Variants in SLC49A4 observed in about 807,000 individuals in gnomAD.
SLC49A4 encodes solute carrier family 49 member 4.
A neutral mutation model predicts 50.6 loss-of-function variants in SLC49A4; 36 were observed. The observed-to-expected ratio is 0.71, with a 90% CI of 0.55 to 0.94. The LOEUF is 0.94. Among genes scored for constraint, SLC49A4 ranks in the 40% least tolerant of loss-of-function variants. SLC49A4 has a pLI of 0.00. For synonymous variants in SLC49A4, 248 were observed against 241.2 expected (o/e 1.03, Z -0.26); for missense variants, 503 against 605.7 (o/e 0.83, Z 1.78).
rs868028056 is a variant in SLC49A4 at position 122,825,870 on chromosome 3, G to A, written c.438-930G>A. ...GTGAATGTGTATATTGGGGGTGAGG[G>A]AGTAATGGGAGAAAAGAGTTGGTCA... On this transcript the variant is annotated intron_variant, in intron 2 of 8. Transcript: ENST00000261038. Among the ~76,000 whole-genome samples, 67 of 152,074 alleles carry A rather than the reference G, an allele frequency of 4.4e-4. 1 individual carries two copies. Among genetic ancestry groups the A allele is most frequent in the African/African-American group, 1.5e-3 (62 of 41,394 alleles).
chr3:122,877,494 G>A (rs974556287), intron 8 of SLC49A4, among the ~76,000 whole-genome samples: 1 of 152,158 alleles, frequency 6.6e-6, no homozygotes, highest in South Asian at 2.1e-4. Flanking sequence ...GATCTGTTTT[G>A]ACAATATTTG....
intron 4 of SLC49A4, among the ~76,000 whole-genome samples, chr3:122,840,266 CT>C (rs1936753431): frequency 6.6e-6 from 1 of 152,138 alleles, no homozygotes; most frequent in Non-Finnish European, 1.5e-5. Context: ...GGGTAACAAA[CT>C]CCATATTGGG....
chr3:122,819,428 G>C (rs376018096), intron 2 of SLC49A4, among the ~76,000 whole-genome samples: 13 of 151,970 alleles, frequency 8.6e-5, no homozygotes, highest in African/African-American at 3.1e-4. Flanking sequence ...TTCTATAGCT[G>C]GTACTTGGTA....
intron 3 of SLC49A4, among the ~76,000 whole-genome samples, chr3:122,832,082 A>G (rs1936615882): frequency 6.6e-6 from 1 of 152,204 alleles, no homozygotes; most frequent in Non-Finnish European, 1.5e-5. Flanking sequence ...ATTGTCTTAT[A>G]GGAATGTTGT....
At chr3:122,835,406 C>T (rs1275212193) in intron 4 of SLC49A4, among the ~76,000 whole-genome samples, 1 of 152,120 alleles carries the variant, frequency 6.6e-6, no homozygotes, top group East Asian at 1.9e-4. Context: ...TCCAACAGCA[C>T]ATCAGAAAGA....
intron 2 of SLC49A4, among the ~76,000 whole-genome samples, chr3:122,820,064 A>G (rs946176385): frequency 2.6e-5 from 4 of 152,226 alleles, no homozygotes; most frequent in Admixed American, 6.5e-5. Flanking sequence ...TGTTAGCATC[A>G]ATGTTAGTCA....
chr3:122,826,816 C>T lies in SLC49A4; in HGVS notation c.454C>T (p.Gln152Ter), dbSNP rs1365371026. ...ILKRRLIHGG[Q>*]MLNGLAGPTV... ...AAATTCCAGATTAATTCATGGAGGACAGATGTTAAATGGATTGGCAGGTCC... is the reference window on the plus strand; with the variant it reads ...AAATTCCAGATTAATTCATGGAGGATAGATGTTAAATGGATTGGCAGGTCC... The change falls in exon 3 of 9, where the codon CAG becomes TAG. Residue 152 changes from glutamine (Q) to a stop codon, truncating the protein, a stop_gained. Coordinates refer to ENST00000261038, the MANE Select transcript of SLC49A4 (RefSeq NM_032839.3). LOFTEE classifies it high-confidence loss of function. 1 of 1,613,844 alleles carries T rather than the reference C, an allele frequency of 6.2e-7. No homozygotes were observed. The highest frequency in any genetic ancestry group is 8.5e-7 in the Non-Finnish European group (1 of 1,179,760).
intron 1 of SLC49A4, among the ~76,000 whole-genome samples, chr3:122,799,444 C>T (rs550313284): frequency 6.6e-6 from 1 of 152,208 alleles, no homozygotes; most frequent in African/African-American, 2.4e-5. Context: ...TCTGGCATGT[C>T]CAAGAAAGAG....
intron 4 of SLC49A4, among the ~76,000 whole-genome samples, chr3:122,839,490 C>G (rs536059555): frequency 6.6e-6 from 1 of 152,150 alleles, no homozygotes; most frequent in Admixed American, 6.5e-5. Flanking sequence ...AACTCTGTAT[C>G]TGACAGGAGA....
At chr3:122,864,991 G>T (rs1259069783) in intron 7 of SLC49A4, among the ~76,000 whole-genome samples, 2 of 152,192 alleles carry the variant, frequency 1.3e-5, no homozygotes, top group African/African-American at 4.8e-5. Flanking sequence ...GTGGATGACA[G>T]AGTGAGATCC....
At chr3:122,804,296 C>G (rs1215017129) in intron 1 of SLC49A4, among the ~76,000 whole-genome samples, 1 of 152,214 alleles carries the variant, frequency 6.6e-6, no homozygotes, top group Admixed American at 6.5e-5. Context: ...ACTCAGTCAT[C>G]ACCAAGGGGA....
chr3:122,834,163 A>G lies in SLC49A4; in HGVS notation c.833+717A>G, dbSNP rs372258466. The stretch of plus-strand genomic sequence containing the variant: ...ATGAGTTTTTATTGATTCTTCAACA[A>G]CTCTCTCTAAATTGGTTCTTTCTTT... On this transcript the variant is annotated intron_variant, in intron 4 of 8. Coordinates refer to ENST00000261038, the MANE Select transcript of SLC49A4 (RefSeq NM_032839.3). 9.2e-5 allele frequency among the ~76,000 whole-genome samples: 14 copies of G among 151,944 alleles called. 2 individuals are homozygous for G. The highest frequency in any genetic ancestry group is 1.9e-4 in the East Asian group (1 of 5,172).
chr3:122,872,345 C>A lies in SLC49A4; in HGVS notation c.1139-70C>A, dbSNP rs117333137. On this transcript the variant is annotated intron_variant, in intron 7 of 8. Transcript: ENST00000261038. The stretch of plus-strand genomic sequence containing the variant: ...GAGTCAATACTTAGGAAAGAGAACA[C>A]CCCGAAGATCTATCTGATATGACTC... 801 of 1,310,538 alleles carry A rather than the reference C, an allele frequency of 6.1e-4. 13 individuals carry two copies. In the East Asian group the frequency reaches 0.015, roughly 24 times the overall value. The allele number at this position is 1,310,538 out of a possible 1,614,324, so 81.2% of individuals were successfully genotyped here. A position where few individuals can be genotyped will look rare whatever the true frequency, so the allele number is the denominator to read the frequency against.
At chr3:122,823,979 G>A (rs886846702) in intron 2 of SLC49A4, among the ~76,000 whole-genome samples, 1 of 152,154 alleles carries the variant, frequency 6.6e-6, no homozygotes, top group Non-Finnish European at 1.5e-5. Flanking sequence ...CCTGAGGGAC[G>A]CTAGGATATA....
intron 4 of SLC49A4, among the ~76,000 whole-genome samples, chr3:122,842,770 G>A (rs1394221848): frequency 6.6e-6 from 1 of 152,110 alleles, no homozygotes; most frequent in Non-Finnish European, 1.5e-5. Flanking sequence ...TAAAGTGTAA[G>A]ATCTTCCTTC....
chr3:122,837,389 C>T (rs1023091930), intron 4 of SLC49A4, among the ~76,000 whole-genome samples: 2 of 151,908 alleles, frequency 1.3e-5, no homozygotes, highest in African/African-American at 2.4e-5. Flanking sequence ...CAGAACAGAG[C>T]CCTCAGAAAT....
intron 7 of SLC49A4, among the ~76,000 whole-genome samples, chr3:122,864,262 A>T (rs1937089673): frequency 6.6e-6 from 1 of 152,234 alleles, no homozygotes; most frequent in Non-Finnish European, 1.5e-5. Context: ...GTCTTTATTT[A>T]AATTGAAGTA....
intron 3 of SLC49A4, among the ~76,000 whole-genome samples, chr3:122,827,627 T>C (rs946021804): frequency 5.3e-5 from 8 of 152,242 alleles, no homozygotes; most frequent in African/African-American, 1.4e-4. Context: ...TCCACTCTTA[T>C]AGTATAGTCT....
At chr3:122,795,612 G>T in intron 1 of SLC49A4, 77 bp downstream of exon 1, 1 of 1,505,344 alleles carries the variant, frequency 6.6e-7, no homozygotes, top group Non-Finnish European at 8.8e-7. Flanking sequence ...AGGCCTGCCA[G>T]CCGCCTCCCT....
Sources: gnomAD v4.1 joint callset for allele counts (sites outside exome capture counted in the v4.1 genomes callset) on GRCh38, gnomAD v4.1.1 for gene constraint, MANE v1.5 for transcripts, NCBI Gene and HGNC (gene_info 2026-07-23, HGNC 2026-07-21) for gene names.